PPM1L: variants seen among roughly 807,000 people sequenced by gnomAD.
PPM1L encodes the protein protein phosphatase 1L.
PPM1L carries 13 observed loss-of-function variants against 31.4 expected under a neutral mutation model. The ratio of observed to expected loss-of-function variants is 0.41; its 90% CI spans 0.27 to 0.66. PPM1L has a LOEUF of 0.66. PPM1L is among the 30% of genes least tolerant of loss of function. The pLI is 0.29. For missense variants in PPM1L, 326 were observed against 453.7 expected, an observed-to-expected ratio of 0.72 and a Z score of 2.56; for synonymous variants, 184 against 175.4, an observed-to-expected ratio of 1.05 and a Z score of -0.39.
At chr3:160,948,757 G>A (rs1172810720) in intron 1 of PPM1L, among the ~76,000 whole-genome samples, 2 of 152,082 alleles carry the variant, frequency 1.3e-5, no homozygotes, top group African/African-American at 4.8e-5. Flanking sequence ...ATGTAGGAAC[G>A]TCATTGCATA....
At chr3:160,860,038 T>C (rs1711836520) in intron 1 of PPM1L, among the ~76,000 whole-genome samples, 1 of 152,222 alleles carries the variant, frequency 6.6e-6, no homozygotes. Context: ...GATGAAGGGC[T>C]GAAATTATTT....
At chr3:160,795,960 A>T (rs563475904) in intron 1 of PPM1L, among the ~76,000 whole-genome samples, 5 of 152,298 alleles carry the variant, frequency 3.3e-5, no homozygotes, top group African/African-American at 1.2e-4. Flanking sequence ...AGAAAGCCCT[A>T]ATAAGGTTGA....
At position 160,939,046 on chromosome 3, in the gene PPM1L, A is replaced by G. The variant is rs543129384; in HGVS notation, c.400-22690A>G. On this transcript the variant is annotated intron_variant, in intron 1 of 3. Coordinates refer to ENST00000498165, the MANE Select transcript of PPM1L (RefSeq NM_139245.4). The stretch of plus-strand genomic sequence containing the variant: ...GGTATAGAAATAGCACATATGTTTG[A>G]GAGTCATAATGAGGAATAAATAAGA... 4.6e-5 allele frequency among the ~76,000 whole-genome samples: 7 copies of G among 152,360 alleles called. No homozygotes were observed. In the East Asian group the frequency reaches 1.4e-3, roughly 29 times the overall value.
At chr3:161,011,198 G>A (rs1448733173) in intron 2 of PPM1L, among the ~76,000 whole-genome samples, 2 of 152,162 alleles carry the variant, frequency 1.3e-5, no homozygotes, top group Admixed American at 6.5e-5. Context: ...TTTGTATAAG[G>A]TGTAAGGAAG....
chr3:160,805,760 T>A (rs1712580673), intron 1 of PPM1L, among the ~76,000 whole-genome samples: 1 of 152,048 alleles, frequency 6.6e-6, no homozygotes, highest in Non-Finnish European at 1.5e-5. Context: ...GAATCTAAAT[T>A]GGATTCTACC....
At chr3:160,812,169 T>C (rs143419587) in intron 1 of PPM1L, among the ~76,000 whole-genome samples, 1 of 152,192 alleles carries the variant, frequency 6.6e-6, no homozygotes, top group East Asian at 1.9e-4. Flanking sequence ...TATCCAAGTG[T>C]ATGTGAGGCT....
intron 1 of PPM1L, among the ~76,000 whole-genome samples, chr3:160,783,370 C>A (rs1264784296): frequency 6.6e-6 from 1 of 152,072 alleles, no homozygotes; most frequent in Non-Finnish European, 1.5e-5. Context: ...GAAGCCAAGG[C>A]GGGCGGATGA....
At chr3:161,043,254 C>T (rs1206759825) in intron 2 of PPM1L, among the ~76,000 whole-genome samples, 2 of 151,954 alleles carry the variant, frequency 1.3e-5, no homozygotes, top group African/African-American at 2.4e-5. Flanking sequence ...AGTTGTGCCC[C>T]TTGCAGTGCT....
chr3:160,960,570 G>T (rs1177563344), intron 1 of PPM1L, among the ~76,000 whole-genome samples: 42 of 52,800 alleles, frequency 8.0e-4, no homozygotes, highest in African/African-American at 1.6e-3. Context: ...GTGTGTGTGT[G>T]TGTGTGTGTG....
chr3:161,010,198 C>T (rs1315384366), intron 2 of PPM1L, among the ~76,000 whole-genome samples: 2 of 151,990 alleles, frequency 1.3e-5, no homozygotes, highest in African/African-American at 2.4e-5. Context: ...TTCCCCTTCC[C>T]GTGTCCAAGT....
chr3:161,036,958 T>TC (rs1718758566), intron 2 of PPM1L, among the ~76,000 whole-genome samples: 1 of 152,188 alleles, frequency 6.6e-6, no homozygotes, highest in Non-Finnish European at 1.5e-5. Flanking sequence ...GTAAAAAAGG[T>TC]CTGTATTCAA....
chr3:160,974,190 A>G (rs1716467548), intron 2 of PPM1L, among the ~76,000 whole-genome samples: 1 of 151,898 alleles, frequency 6.6e-6, no homozygotes, highest in Non-Finnish European at 1.5e-5. Context: ...GTCCCTACAA[A>G]GGACATGAAC....
Position 161,070,149 on chromosome 3 carries a change from A to G in PPM1L, c.*992A>G, listed in dbSNP as rs1263235145. ...CACCCTGAATTGAGCTCCAGCTGCC[A>G]GTTTTTGTGTTTTTCCTTGCCCCTT... On this transcript the variant is annotated 3_prime_UTR_variant, in exon 4 of 4. Coordinates refer to ENST00000498165, the MANE Select transcript of PPM1L (RefSeq NM_139245.4). 2 of 152,290 alleles carry G rather than the reference A, an allele frequency of 1.3e-5. No homozygotes were observed. Among genetic ancestry groups the G allele is most frequent in the East Asian group, 3.8e-4 (2 of 5,198 alleles). The allele number at this position is 152,290 out of a possible 1,614,324, so 9.4% of individuals were successfully genotyped here.
intron 2 of PPM1L, among the ~76,000 whole-genome samples, chr3:160,996,568 C>T (rs553092011): frequency 1.3e-5 from 2 of 152,184 alleles, no homozygotes; most frequent in South Asian, 2.1e-4. Flanking sequence ...TGTTGTCACT[C>T]ATAAGTGGGA....
At chr3:160,896,252 T>C (rs1713331981) in intron 1 of PPM1L, among the ~76,000 whole-genome samples, 1 of 152,216 alleles carries the variant, frequency 6.6e-6, no homozygotes, top group Admixed American at 6.5e-5. Context: ...AAACGCCTTC[T>C]AGTATGTATT....
chr3:160,911,912 G>T (rs1295908328), intron 1 of PPM1L, among the ~76,000 whole-genome samples: 3 of 152,190 alleles, frequency 2.0e-5, no homozygotes, highest in Non-Finnish European at 2.9e-5. Flanking sequence ...TGATGGAGGA[G>T]GAGTGTTGAA....
rs1437825344 is a variant in PPM1L at position 160,921,903 on chromosome 3, A to G, written c.400-39833A>G. ...AAGACCTAGAGTTGCAGAGACCCAG[A>G]GCACTTTGTCTCATCACCAACTAAG... On this transcript the variant is annotated intron_variant, in intron 1 of 3. Coordinates refer to ENST00000498165, the MANE Select transcript of PPM1L (RefSeq NM_139245.4). Among the ~76,000 whole-genome samples, 3 of 152,218 alleles carry G rather than the reference A, an allele frequency of 2.0e-5. No individual in the cohort carries two copies. The East Asian group carries it at 5.8e-4, about 29-fold the overall frequency.
chr3:160,907,581 T>C (rs1713807164), intron 1 of PPM1L, among the ~76,000 whole-genome samples: 1 of 152,246 alleles, frequency 6.6e-6, no homozygotes. Context: ...TTGCTTTTAA[T>C]TGCTGAGATT....
intron 1 of PPM1L, among the ~76,000 whole-genome samples, chr3:160,798,165 A>G (rs1416421180): frequency 6.6e-6 from 1 of 151,550 alleles, no homozygotes; most frequent in Admixed American, 6.6e-5. Flanking sequence ...ACGACAGAGC[A>G]AGACTCCACT....
Sources: gnomAD v4.1 joint callset for allele counts (sites outside exome capture counted in the v4.1 genomes callset) on GRCh38, gnomAD v4.1.1 for gene constraint, MANE v1.5 for transcripts, NCBI Gene and HGNC (gene_info 2026-07-23, HGNC 2026-07-21) for gene names.